Variants in LDLRAD3 observed in about 807,000 individuals in gnomAD.
LDLRAD3 encodes the protein low-density lipoprotein receptor class A domain-containing protein 3.
LDLRAD3 carries 20 observed loss-of-function variants against 29.4 expected under a neutral mutation model. That is an observed-to-expected ratio of 0.68 (90% CI 0.48 to 0.99). The LOEUF is 0.99. Ranked by LOEUF, LDLRAD3 falls within the 50% of genes least tolerant of loss-of-function variation. The pLI, the probability that LDLRAD3 is intolerant of heterozygous loss-of-function variation, is 0.00. For missense variants in LDLRAD3, 420 were observed against 454.3 expected, an observed-to-expected ratio of 0.92 and a Z score of 0.69; for synonymous variants, 157 against 192.7, an observed-to-expected ratio of 0.81 and a Z score of 1.53.
intron 2 of LDLRAD3, among the ~76,000 whole-genome samples, chr11:36,076,013 C>G (rs1409341747): frequency 6.6e-6 from 1 of 152,140 alleles, no homozygotes; most frequent in Non-Finnish European, 1.5e-5. Flanking sequence ...TATATTCTTC[C>G]TGGAATCAAC....
intron 1 of LDLRAD3, among the ~76,000 whole-genome samples, chr11:35,960,633 G>A (rs1851264432): frequency 1.3e-5 from 2 of 152,308 alleles, no homozygotes. Context: ...GTCTCGCTCT[G>A]TCGCCCAGGC....
intron 1 of LDLRAD3, among the ~76,000 whole-genome samples, chr11:36,003,082 G>T (rs1243134661): frequency 6.6e-6 from 1 of 152,216 alleles, no homozygotes; most frequent in Non-Finnish European, 1.5e-5. Flanking sequence ...GAGTGCTCAA[G>T]AATTCCAAGT....
In LDLRAD3 at chr11:36,160,566, T is replaced by C. The variant is rs185293904; in HGVS notation, c.454+62105T>C. On this transcript the variant is annotated intron_variant, in intron 4 of 5. Transcript: ENST00000315571. ...GCTCTCAGGGGTCAGTTTTTTCCCT[T>C]AAAAAATTTTTGGCCCATCGTTCAA... Among the ~76,000 whole-genome samples the C allele has an allele frequency of 2.0e-5, 3 of 152,304 alleles. No homozygotes were observed. In the East Asian group the frequency reaches 5.8e-4, roughly 29 times the overall value.
In LDLRAD3 at chr11:36,229,367, TGAGCCCAGCCAGG is replaced by T. The variant is rs754722082; in HGVS notation, c.1010_1022del (p.Glu337AlafsTer25). The T allele has an allele frequency of 6.2e-7, 1 of 1,613,380 alleles. No homozygotes were observed. The highest frequency in any genetic ancestry group is 8.5e-7 in the Non-Finnish European group (1 of 1,179,488). ...AGGGCACTGCTGAGCCCAGGGACTC[TGAGCCCAGCCAGG>T]GCACTGAAGAAGTATAAGTCCCAGT... is the stretch of plus-strand genomic sequence containing the variant. On this transcript the variant is annotated frameshift_variant, in exon 6 of 6. Coordinates refer to ENST00000315571, the MANE Select transcript of LDLRAD3 (RefSeq NM_174902.4). LOFTEE classifies it high-confidence loss of function.
At position 36,195,984 on chromosome 11, in the gene LDLRAD3, A is replaced by C. The variant is rs529151068; in HGVS notation, c.455-31101A>C. Among the ~76,000 whole-genome samples, 8 of 151,940 alleles carry C rather than the reference A, an allele frequency of 5.3e-5. No individual in the cohort carries two copies. The South Asian group carries it at 1.7e-3, about 32-fold the overall frequency. On this transcript the variant is annotated intron_variant, in intron 4 of 5. Coordinates refer to ENST00000315571, the MANE Select transcript of LDLRAD3 (RefSeq NM_174902.4). Reference sequence around the variant, plus strand: ...CTGATTCAAGGACATACTAAGCCACAGTCAGCCCATCCCAACTTTTTGCCA... The same window carrying C: ...CTGATTCAAGGACATACTAAGCCACCGTCAGCCCATCCCAACTTTTTGCCA...
rs1198014328 is a variant in LDLRAD3 at position 36,229,669 on chromosome 11, T to C, written c.*272T>C. 2 of 477,532 alleles carry C rather than the reference T, an allele frequency of 4.2e-6. No individual in the cohort carries two copies. Among genetic ancestry groups the C allele is most frequent in the East Asian group, 6.5e-5 (2 of 30,878 alleles). The allele number at this position is 477,532 out of a possible 1,614,324, so 29.6% of individuals were successfully genotyped here. A position where few individuals can be genotyped will look rare whatever the true frequency, so the allele number is the denominator to read the frequency against. On this transcript the variant is annotated 3_prime_UTR_variant, in exon 6 of 6. Transcript: ENST00000315571. ...ACCCTCATTTTTCACATTATTCTGT[T>C]TCTGTTGGAGAGACAGCATATAAAA...
At chr11:36,141,871 A>G (rs988717073) in intron 4 of LDLRAD3, among the ~76,000 whole-genome samples, 17 of 152,236 alleles carry the variant, frequency 1.1e-4, no homozygotes, top group African/African-American at 3.9e-4. Context: ...AACACAGTGC[A>G]TAGCCTCATC....
At chr11:35,960,860 C>A (rs1049928133) in intron 1 of LDLRAD3, among the ~76,000 whole-genome samples, 7 of 152,238 alleles carry the variant, frequency 4.6e-5, no homozygotes, top group Non-Finnish European at 8.8e-5. Flanking sequence ...TCCCAAAGTG[C>A]TGGGATTACA....
intron 4 of LDLRAD3, among the ~76,000 whole-genome samples, chr11:36,195,499 C>T (rs1376296923): frequency 6.6e-6 from 1 of 152,104 alleles, no homozygotes; most frequent in African/African-American, 2.4e-5. Context: ...GAAGTCCCAC[C>T]GTCTAATTCC....
intron 4 of LDLRAD3, among the ~76,000 whole-genome samples, chr11:36,206,136 T>A (rs938004252): frequency 6.6e-6 from 1 of 152,226 alleles, no homozygotes; most frequent in Non-Finnish European, 1.5e-5. Flanking sequence ...AATTACATCC[T>A]TGTTAGAGAA....
chr11:36,226,531 ATAT>A (rs1334265536), intron 4 of LDLRAD3, among the ~76,000 whole-genome samples: 1 of 152,162 alleles, frequency 6.6e-6, no homozygotes, highest in African/African-American at 2.4e-5. Flanking sequence ...CTTAATTGAG[ATAT>A]TATTTGCAGT....
At chr11:35,974,419 A>G (rs1851452228) in intron 1 of LDLRAD3, among the ~76,000 whole-genome samples, 1 of 152,082 alleles carries the variant, frequency 6.6e-6, no homozygotes, top group Non-Finnish European at 1.5e-5. Flanking sequence ...CACAAACTCC[A>G]TGTTTTAACA....
At chr11:36,103,236 C>CTTTTT (rs3082245) in intron 4 of LDLRAD3, among the ~76,000 whole-genome samples, 3 of 123,906 alleles carry the variant, frequency 2.4e-5, no homozygotes, top group Non-Finnish European at 3.2e-5. Context: ...AGTATTTAAT[C>CTTTTT]TTTTTTTTTT....
At chr11:36,008,989 A>G (rs1176334681) in intron 1 of LDLRAD3, among the ~76,000 whole-genome samples, 1 of 152,106 alleles carries the variant, frequency 6.6e-6, no homozygotes, top group Non-Finnish European at 1.5e-5. Flanking sequence ...CCATTCTCTT[A>G]CCTTCCTTTG....
At chr11:36,014,530 T>C (rs1851996127) in intron 1 of LDLRAD3, among the ~76,000 whole-genome samples, 1 of 152,122 alleles carries the variant, frequency 6.6e-6, no homozygotes, top group Admixed American at 6.5e-5. Context: ...CTTGGCTGGG[T>C]GGCCCATCAC....
chr11:36,170,224 A>G (rs1283953579), intron 4 of LDLRAD3, among the ~76,000 whole-genome samples: 1 of 151,288 alleles, frequency 6.6e-6, no homozygotes, highest in Non-Finnish European at 1.5e-5. Context: ...GCTGAACAAT[A>G]TTCCATGGTG....
intron 4 of LDLRAD3, among the ~76,000 whole-genome samples, chr11:36,222,616 G>A (rs1166962251): frequency 6.6e-6 from 1 of 152,056 alleles, no homozygotes; most frequent in Non-Finnish European, 1.5e-5. Flanking sequence ...TCTGGAGGAG[G>A]GGATTTTTTT....
At chr11:36,159,588 G>A (rs191528079) in intron 4 of LDLRAD3, among the ~76,000 whole-genome samples, 1,670 of 109,078 alleles carry the variant, frequency 0.015, 27 homozygotes, top group Non-Finnish European at 0.019. Context: ...GTAAAACACC[G>A]TCTTTACAGA....
chr11:36,027,416 T>C (rs1382233093), intron 1 of LDLRAD3, among the ~76,000 whole-genome samples: 2 of 152,246 alleles, frequency 1.3e-5, no homozygotes, highest in Non-Finnish European at 2.9e-5. Context: ...AGATAATCTT[T>C]TTCTAGTTTG....
Sources: gnomAD v4.1 joint callset for allele counts (sites outside exome capture counted in the v4.1 genomes callset) on GRCh38, gnomAD v4.1.1 for gene constraint, MANE v1.5 for transcripts, NCBI Gene and HGNC (gene_info 2026-07-23, HGNC 2026-07-21) for gene names.